Variants in LGALS4 observed in about 807,000 individuals in gnomAD.
LGALS4 encodes galectin 4, also known as galectin-4.
A neutral mutation model predicts 39.6 loss-of-function variants in LGALS4; 37 were observed. The observed-to-expected ratio is 0.93, with a 90% CI of 0.72 to 1.23. The LOEUF is 1.23. Ranked by LOEUF, LGALS4 falls within the 50% of genes most tolerant of loss-of-function variation. The pLI is 0.00. For synonymous variants in LGALS4, 160 were observed against 165.5 expected, an observed-to-expected ratio of 0.97 and a Z score of 0.25; for missense variants, 397 against 433.2, an observed-to-expected ratio of 0.92 and a Z score of 0.74.
chr19:38,805,350 C>T (rs1262081577), intron 4 of LGALS4, among the ~76,000 whole-genome samples: 1 of 152,032 alleles, frequency 6.6e-6, no homozygotes, highest in Admixed American at 6.6e-5. Context: ...TCCTCCTACT[C>T]CAGGAAGCAC....
Position 38,801,837 on chromosome 19 carries a change from C to T in LGALS4, c.899G>A (p.Arg300His), listed in dbSNP as rs941520397. The change falls in exon 10 of 10, where the codon CGC becomes CAC. Residue 300 changes from arginine (R) to histidine (H), a missense_variant. Physicochemically the swap from Arg to His is conservative, Grantham distance 29 (BLOSUM62 0). Transcript: ENST00000307751. ...NGQHLFDFAH[R>H]LSAFQRVDTL... is the part of the protein sequence containing the mutation. ...GTCCACCCTCTGGAAGGCCGAGAGG[C>T]GATGGGCAAAGTCAAAGAGGTGCTG... is the stretch of plus-strand genomic sequence containing the variant. 1.7e-5 allele frequency: 27 copies of T among 1,614,042 alleles called. No homozygotes were observed. Among genetic ancestry groups the T allele is most frequent in the Non-Finnish European group, 1.9e-5 (23 of 1,180,028 alleles).
In LGALS4 at chr19:38,802,402, A is replaced by AG; in HGVS notation, c.572dup (p.Val192CysfsTer47). 1 of 1,613,838 alleles carries AG rather than the reference A, an allele frequency of 6.2e-7. No individual in the cohort carries two copies. The highest frequency in any genetic ancestry group is 8.5e-7 in the Non-Finnish European group (1 of 1,179,678). On this transcript the variant is annotated frameshift_variant and splice_region_variant, in exon 8 of 10. Coordinates refer to ENST00000307751, the MANE Select transcript of LGALS4 (RefSeq NM_006149.4). LOFTEE classifies it high-confidence loss of function. ...CTTGCAGCCTCCCGAAATATGGCACAGGCTGTGGGAAGAGAACGGGGGGTC... is the reference window on the plus strand; with the variant it reads ...CTTGCAGCCTCCCGAAATATGGCACAGGGCTGTGGGAAGAGAACGGGGGGTC...
At chr19:38,803,022 T>C (rs1971378526) in intron 7 of LGALS4, 2 of 138,162 alleles carry the variant, frequency 1.4e-5, no homozygotes, top group South Asian at 5.0e-4. Context: ...TTTTTTTTTT[T>C]TTTTTTTTTT....
chr19:38,805,096 C>T (rs1027755113), intron 4 of LGALS4, among the ~76,000 whole-genome samples: 1 of 150,560 alleles, frequency 6.6e-6, no homozygotes, highest in African/African-American at 2.4e-5. Context: ...CCCAGGAAGT[C>T]AAGAATACAG....
At chr19:38,807,618 C>A (rs889643235) in intron 3 of LGALS4, among the ~76,000 whole-genome samples, 1 of 152,054 alleles carries the variant, frequency 6.6e-6, no homozygotes. Context: ...GTGTACCCAA[C>A]AGCTCCGAAG....
chr19:38,812,021 AAAAAAAAAC>A (rs1454545116), intron 2 of LGALS4, among the ~76,000 whole-genome samples: 93 of 141,494 alleles, frequency 6.6e-4, no homozygotes, highest in Non-Finnish European at 8.2e-4. Context: ...CTCAAAACAA[AAAAAAAAAC>A]AAAAAAAACA....
intron 3 of LGALS4, among the ~76,000 whole-genome samples, chr19:38,807,732 T>C (rs1971439129): frequency 6.6e-6 from 1 of 152,296 alleles, no homozygotes; most frequent in South Asian, 2.1e-4. Flanking sequence ...TGTTACTGTG[T>C]CTGTGTAGAA....
intron 6 of LGALS4, 65 bp from the exon 7 acceptor site, chr19:38,803,616 T>C (rs1568350046): frequency 6.2e-7 from 1 of 1,600,048 alleles, no homozygotes; most frequent in East Asian, 2.2e-5. Flanking sequence ...ACACACCCAT[T>C]AGACTCCGGC....
rs149011072 is a variant in LGALS4, at chr19:38,808,822, C to T, written c.261G>A (p.Glu87=). The T allele has an allele frequency of 6.2e-7, 1 of 1,614,154 alleles. No individual in the cohort carries two copies. The highest frequency in any genetic ancestry group is 8.5e-7 in the Non-Finnish European group (1 of 1,180,034). Reference sequence around the variant, plus strand: ...TGAAGGGCATGCTCCTCTTCCTCTCCTCGCTGCCCCACTTCCCGCCCTGCA... The same window carrying T: ...TGAAGGGCATGCTCCTCTTCCTCTCTTCGCTGCCCCACTTCCCGCCCTGCA... ...NTLQGGKWGS[E]ERKRSMPFKK... The change falls in exon 3 of 10, where the codon GAG becomes GAA. Residue 87 remains glutamate (E), a synonymous_variant. Coordinates refer to ENST00000307751, the MANE Select transcript of LGALS4 (RefSeq NM_006149.4).
chr19:38,804,220 T>C (rs1484416755), intron 4 of LGALS4, among the ~76,000 whole-genome samples: 1 of 152,212 alleles, frequency 6.6e-6, no homozygotes, highest in Non-Finnish European at 1.5e-5. Context: ...TGTCCCTGTG[T>C]CTCTGCCTCT....
chr19:38,810,389 G>T (rs139976272), intron 2 of LGALS4, among the ~76,000 whole-genome samples: 18,367 of 123,742 alleles, frequency 0.15, 2,560 homozygotes, highest in African/African-American at 0.38. Flanking sequence ...TTGAGATGGA[G>T]TCTCGCTCTT....
intron 4 of LGALS4, among the ~76,000 whole-genome samples, chr19:38,805,526 AG>A (rs1219533010): frequency 3.3e-5 from 5 of 152,174 alleles, no homozygotes; most frequent in African/African-American, 1.2e-4. Flanking sequence ...CAGTGAGGTC[AG>A]GGCCCAGAGA....
At chr19:38,804,556 C>T (rs1323539150) in intron 4 of LGALS4, among the ~76,000 whole-genome samples, 1 of 152,178 alleles carries the variant, frequency 6.6e-6, no homozygotes, top group Non-Finnish European at 1.5e-5. Flanking sequence ...ACACCTTTAA[C>T]TTTTACTCTC....
chr19:38,809,862 G>A (rs1218895708), intron 2 of LGALS4, among the ~76,000 whole-genome samples: 3 of 151,800 alleles, frequency 2.0e-5, no homozygotes, highest in East Asian at 1.9e-4. Context: ...AGTCTGCCAC[G>A]GGCCAGGCCC....
chr19:38,809,644 C>CTTTTTT (rs66473176), intron 2 of LGALS4, among the ~76,000 whole-genome samples: 2 of 74,516 alleles, frequency 2.7e-5, no homozygotes, highest in Admixed American at 1.8e-4. Flanking sequence ...CTATGCCTGG[C>CTTTTTT]TTTTTTTTTT....
chr19:38,811,526 C>T (rs1971493723), intron 2 of LGALS4, among the ~76,000 whole-genome samples: 1 of 151,826 alleles, frequency 6.6e-6, no homozygotes, highest in Non-Finnish European at 1.5e-5. Flanking sequence ...GGCATGGTGG[C>T]ACATGTCTGT....
chr19:38,808,990 C>T (rs1251164917), intron 2 of LGALS4, 42 bp from the exon 3 acceptor site: 24 of 1,517,956 alleles, frequency 1.6e-5, no homozygotes, highest in Non-Finnish European at 1.4e-5. Context: ...TGCCACCTCC[C>T]GGGGCCTGGG....
At chr19:38,804,657 C>A (rs1971401322) in intron 4 of LGALS4, among the ~76,000 whole-genome samples, 1 of 151,986 alleles carries the variant, frequency 6.6e-6, no homozygotes, top group East Asian at 1.9e-4. Flanking sequence ...ATTCTGAAGG[C>A]CTTTTAAAAG....
chr19:38,808,693 G>T (rs1435988796), intron 3 of LGALS4, 51 bp downstream of exon 3: 9 of 1,386,554 alleles, frequency 6.5e-6, no homozygotes, highest in Admixed American at 1.9e-5. Flanking sequence ...AAGCAGCCAA[G>T]ATGGCGCCAC....
Sources: allele counts gnomAD v4.1 joint callset (sites outside exome capture counted in the v4.1 genomes callset), GRCh38; gene constraint gnomAD v4.1.1; transcripts MANE v1.5; gene names NCBI Gene and HGNC (gene_info 2026-07-23, HGNC 2026-07-21).